The following PLEKHG1 variants were observed in gnomAD, a reference collection of about 807,000 sequenced individuals.
The protein encoded by PLEKHG1 is pleckstrin homology domain-containing family G member 1.
PLEKHG1 carries 44 observed loss-of-function variants against 100.8 expected under a neutral mutation model. That is an observed-to-expected ratio of 0.44 (90% CI 0.34 to 0.56). The LOEUF is 0.56. Ranked by LOEUF, PLEKHG1 falls within the 20% of genes least tolerant of loss-of-function variation. The probability of loss-of-function intolerance (pLI) is 0.01; values close to 1 mark genes in which losing one functional copy is unlikely to be tolerated. For synonymous variants in PLEKHG1, 640 were observed against 662.5 expected (o/e 0.97, Z 0.52); for missense variants, 1,545 against 1,720.9 (o/e 0.90, Z 1.81).
Position 150,818,163 on chromosome 6 carries a change from CTCTACT to C in PLEKHG1, c.1279-18_1279-13del. Reference sequence around the variant, plus strand: ...AAAAAAAAAGCAATTGGAATTACAGCTCTACTTTCTCTCTTTCAGGCCAAGCAAGCA... The same window carrying C: ...AAAAAAAAAGCAATTGGAATTACAGCTTCTCTCTTTCAGGCCAAGCAAGCA... On this transcript the variant is annotated splice_polypyrimidine_tract_variant and intron_variant, in intron 10 of 15. Transcript: ENST00000358517. 1 of 1,599,268 alleles carries C rather than the reference CTCTACT, an allele frequency of 6.3e-7. No homozygotes were observed. The highest frequency in any genetic ancestry group is 1.3e-5 in the African/African-American group (1 of 74,762).
At chr6:150,807,954 G>A (rs1041812070) in intron 7 of PLEKHG1, among the ~76,000 whole-genome samples, 1 of 152,196 alleles carries the variant, frequency 6.6e-6, no homozygotes, top group South Asian at 2.1e-4. Flanking sequence ...GGACAACAGA[G>A]CGAGACTCTG....
intron 3 of PLEKHG1, among the ~76,000 whole-genome samples, chr6:150,696,480 C>A (rs138823112): frequency 4.6e-5 from 7 of 152,314 alleles, no homozygotes; most frequent in African/African-American, 1.7e-4. Context: ...ATTACACACA[C>A]ACACGGCACG....
chr6:150,836,822 C>CAAAA (rs58375227), intron 15 of PLEKHG1, among the ~76,000 whole-genome samples: 2 of 131,264 alleles, frequency 1.5e-5, no homozygotes, highest in Non-Finnish European at 3.3e-5. Flanking sequence ...GACCCTGTCT[C>CAAAA]AAAAAAAAAA....
chr6:150,706,998 C>CTT (rs71014517), intron 3 of PLEKHG1, among the ~76,000 whole-genome samples: 6 of 51,928 alleles, frequency 1.2e-4, no homozygotes, highest in African/African-American at 2.3e-4. Flanking sequence ...TTTTCTTTTT[C>CTT]TTTTTTTTTT....
upstream of PLEKHG1, among the ~76,000 whole-genome samples, chr6:150,716,326 G>A (rs918033627): frequency 1.3e-5 from 2 of 152,058 alleles, no homozygotes; most frequent in East Asian, 1.9e-4. Flanking sequence ...AAATTGTTAC[G>A]CTCCTTGTGT....
intron 1 of PLEKHG1, among the ~76,000 whole-genome samples, chr6:150,631,540 G>A (rs1777748263): frequency 6.6e-6 from 1 of 152,220 alleles, no homozygotes; most frequent in South Asian, 2.1e-4. Flanking sequence ...CATAACAGAA[G>A]CATCTTTAGG....
chr6:150,632,368 A>C (rs929821562), intron 1 of PLEKHG1, among the ~76,000 whole-genome samples: 1 of 152,170 alleles, frequency 6.6e-6, no homozygotes, highest in African/African-American at 2.4e-5. Flanking sequence ...TTTCTTCCAA[A>C]GTTTGTCTTT....
intron 1 of PLEKHG1, among the ~76,000 whole-genome samples, chr6:150,637,265 C>T (rs960094775): frequency 1.3e-5 from 2 of 152,058 alleles, no homozygotes; most frequent in Non-Finnish European, 2.9e-5. Flanking sequence ...GAACTCCCAT[C>T]GTGGGTCATG....
rs1352564478 is a variant in PLEKHG1, at chr6:150,795,841, T to A, written c.583-15T>A. On this transcript the variant is annotated splice_polypyrimidine_tract_variant and intron_variant, in intron 4 of 15. Transcript: ENST00000358517. ...TGCTTTGTTGCCTATAAAAATTTCT[T>A]TTGTTTCCTTGCAGAGTGAAGAGTT... 1.3e-6 allele frequency: 2 copies of A among 1,569,212 alleles called. No homozygotes were observed. The highest frequency in any genetic ancestry group is 1.8e-6 in the Non-Finnish European group (2 of 1,140,926).
intron 3 of PLEKHG1, among the ~76,000 whole-genome samples, chr6:150,774,043 T>A (rs888124792): frequency 6.6e-6 from 1 of 152,248 alleles, no homozygotes; most frequent in African/African-American, 2.4e-5. Context: ...GATTTTTATA[T>A]GTCAATACTG....
At chr6:150,662,178 A>T (rs527634922) in intron 3 of PLEKHG1, among the ~76,000 whole-genome samples, 1 of 152,332 alleles carries the variant, frequency 6.6e-6, no homozygotes, top group South Asian at 2.1e-4. Flanking sequence ...TCCTCCTGTC[A>T]GTCAGCTCCT....
At chr6:150,775,018 G>A (rs997554559) in intron 3 of PLEKHG1, among the ~76,000 whole-genome samples, 7 of 151,856 alleles carry the variant, frequency 4.6e-5, no homozygotes, top group African/African-American at 1.7e-4. Context: ...AAATGTTTTG[G>A]AATACAATTG....
chr6:150,633,020 A>C (rs1777825825), intron 1 of PLEKHG1: 1 of 152,138 alleles, frequency 6.6e-6, no homozygotes, highest in African/African-American at 2.4e-5. Flanking sequence ...CTTTCTTAAA[A>C]GCCCCATTTG....
intron 3 of PLEKHG1, among the ~76,000 whole-genome samples, chr6:150,652,433 A>G (rs1778784559): frequency 6.6e-6 from 1 of 152,198 alleles, no homozygotes; most frequent in Non-Finnish European, 1.5e-5. Context: ...AAAAAAGTTT[A>G]TATTTTCGTC....
At chr6:150,843,052 A>G (rs994127871) in exon 16 of PLEKHG1, 3 of 152,192 alleles carry the variant, frequency 2.0e-5, no homozygotes, top group Non-Finnish European at 2.9e-5. Flanking sequence ...GTGCATTTGT[A>G]TTACCTATGA....
At chr6:150,835,977 G>A (rs1777201523) in intron 15 of PLEKHG1, among the ~76,000 whole-genome samples, 1 of 152,194 alleles carries the variant, frequency 6.6e-6, no homozygotes, top group Non-Finnish European at 1.5e-5. Context: ...CATTTTAGCT[G>A]TCTTCTTGCT....
At chr6:150,737,273 A>C (rs1228246118) in intron 2 of PLEKHG1, among the ~76,000 whole-genome samples, 1 of 147,722 alleles carries the variant, frequency 6.8e-6, no homozygotes, top group Non-Finnish European at 1.5e-5. Context: ...AAAGGCTGTC[A>C]TATGGGTATT....
chr6:150,790,977 C>T (rs922345027), intron 4 of PLEKHG1, among the ~76,000 whole-genome samples: 4 of 152,008 alleles, frequency 2.6e-5, no homozygotes, highest in African/African-American at 2.4e-5. Flanking sequence ...GAGCCGAGAT[C>T]GTGCCACTGC....
rs539103166 is a variant in PLEKHG1 at position 150,677,079 on chromosome 6, G to A, written c.-99+26293G>A. Among the ~76,000 whole-genome samples the A allele has an allele frequency of 5.3e-5, 8 of 152,216 alleles. No individual in the cohort carries two copies. In the South Asian group the frequency reaches 1.7e-3, roughly 32 times the overall value. On this transcript the variant is annotated intron_variant, in intron 3 of 3. Coordinates refer to the PLEKHG1 transcript ENST00000367326. ...GGCTGCCACCACCTCTTCCTTAGCA[G>A]GTGTCTATCTCCATACTTGCATTGT...
Sources: allele counts gnomAD v4.1 joint callset (sites outside exome capture counted in the v4.1 genomes callset), GRCh38; gene constraint gnomAD v4.1.1; transcripts MANE v1.5; gene names NCBI Gene and HGNC (gene_info 2026-07-23, HGNC 2026-07-21).